Variants in CCZ1B observed in about 807,000 individuals in gnomAD.
CCZ1B encodes vacuolar fusion protein CCZ1 homolog B.
CCZ1B carries 25 observed loss-of-function variants against 58.8 expected under a neutral mutation model. The ratio of observed to expected loss-of-function variants is 0.43; its 90% CI spans 0.31 to 0.59. The LOEUF is 0.59. Among genes scored for constraint, CCZ1B ranks in the 20% least tolerant of loss-of-function variants. CCZ1B has a pLI of 0.12. For synonymous variants in CCZ1B, 66 were observed against 173.2 expected (o/e 0.38, Z 4.86); for missense variants, 180 against 501.5 (o/e 0.36, Z 6.12).
At chr7:6,815,646 C>T (rs1430855238) in intron 7 of CCZ1B, among the ~76,000 whole-genome samples, 1 of 148,940 alleles carries the variant, frequency 6.7e-6, no homozygotes, top group East Asian at 1.9e-4. Flanking sequence ...GGCTCACCAC[C>T]TGACCGCGAA....
intron 9 of CCZ1B, 114 bp from the exon 10 acceptor site, chr7:6,812,177 T>C: frequency 8.4e-7 from 1 of 1,185,376 alleles, no homozygotes; most frequent in Non-Finnish European, 1.2e-6. Flanking sequence ...TGCCAGCTGC[T>C]ATTTGGCAAA....
At chr7:6,813,657 T>A (rs752999042) in intron 8 of CCZ1B, among the ~76,000 whole-genome samples, 4 of 149,390 alleles carry the variant, frequency 2.7e-5, no homozygotes, top group Non-Finnish European at 4.4e-5. Context: ...TGAAAATACT[T>A]TGGGGAGAAC....
At chr7:6,803,739 G>A (rs1782793814) in intron 12 of CCZ1B, among the ~76,000 whole-genome samples, 1 of 149,870 alleles carries the variant, frequency 6.7e-6, no homozygotes, top group African/African-American at 2.4e-5. Context: ...CGAAGTGCGT[G>A]GATCACGAGG....
At chr7:6,818,593 CAGAAAGAAAGAA>C (rs796919882) in intron 7 of CCZ1B, among the ~76,000 whole-genome samples, 1 of 105,826 alleles carries the variant, frequency 9.4e-6, no homozygotes, top group Non-Finnish European at 1.9e-5. Flanking sequence ...GAAAGACAGA[CAGAAAGAAAGAA>C]AGAAAGAAAG....
At position 6,804,498 on chromosome 7, in the gene CCZ1B, T is replaced by C. The variant is rs564265682; in HGVS notation, c.1106+440A>G. ...GAGCCGGAGGAGTGAATCCCGCCTC[T>C]CCCACTCAGTGTAGACACTTCAGGC... On this transcript the variant is annotated intron_variant, in intron 12 of 14. Transcript: ENST00000316731. Among the ~76,000 whole-genome samples, 172 of 112,742 alleles carry C rather than the reference T, an allele frequency of 1.5e-3. 8 individuals are homozygous for C. Among genetic ancestry groups the C allele is most frequent in the Non-Finnish European group, 2.6e-3 (146 of 56,964 alleles). 74.0% of individuals were successfully genotyped at this position (112,742 alleles called of 152,430 possible).
At chr7:6,815,285 C>A (rs1327418038) in intron 7 of CCZ1B, among the ~76,000 whole-genome samples, 1 of 147,978 alleles carries the variant, frequency 6.8e-6, no homozygotes, top group Non-Finnish European at 1.5e-5. Flanking sequence ...CCCATCTCAG[C>A]CTCCAGACTA....
At chr7:6,825,681 T>G (rs1783185375) in intron 1 of CCZ1B, among the ~76,000 whole-genome samples, 1 of 129,272 alleles carries the variant, frequency 7.7e-6, no homozygotes, top group Admixed American at 8.4e-5. Context: ...CGAAATTAAT[T>G]TATTTCCTCA....
intron 6 of CCZ1B, among the ~76,000 whole-genome samples, chr7:6,821,951 A>G (rs1280351529): frequency 6.7e-6 from 1 of 149,620 alleles, no homozygotes; most frequent in Non-Finnish European, 1.5e-5. Context: ...CTTATCAACT[A>G]ATCTATCACA....
rs752621254 is a variant in CCZ1B, at chr7:6,812,077, A to G, written c.843-14T>C. The G allele has an allele frequency of 3.7e-6, 4 of 1,089,352 alleles. No individual in the cohort carries two copies. Among genetic ancestry groups the G allele is most frequent in the Non-Finnish European group, 5.6e-6 (4 of 710,142 alleles). The allele number at this position is 1,089,352 out of a possible 1,614,324, so 67.5% of individuals were successfully genotyped here. A position where few individuals can be genotyped will look rare whatever the true frequency, so the allele number is the denominator to read the frequency against. On this transcript the variant is annotated splice_polypyrimidine_tract_variant and intron_variant, in intron 9 of 14. Coordinates refer to ENST00000316731, the MANE Select transcript of CCZ1B (RefSeq NM_198097.5). ...CCGGTAAGAAATCTTAAAAGCAAGA[A>G]CAGACATGACTTGATTCAACGAGGT...
intron 5 of CCZ1B, 99 bp from the exon 6 acceptor site, chr7:6,822,463 C>T: frequency 2.8e-6 from 4 of 1,422,376 alleles, no homozygotes; most frequent in Non-Finnish European, 3.7e-6. Flanking sequence ...TAATTCAGCT[C>T]ATTAAATCTC....
chr7:6,816,204 G>T (rs1263735303), intron 7 of CCZ1B, among the ~76,000 whole-genome samples: 1 of 148,490 alleles, frequency 6.7e-6, no homozygotes, highest in Non-Finnish European at 1.5e-5. Flanking sequence ...AGGTGGTCGG[G>T]CGCGGAAGCT....
chr7:6,825,008 A>C (rs1783172627), intron 1 of CCZ1B, among the ~76,000 whole-genome samples: 1 of 150,144 alleles, frequency 6.7e-6, no homozygotes, highest in African/African-American at 2.5e-5. Flanking sequence ...GAATGATCTC[A>C]TCATTGTGCA....
chr7:6,818,862 G>T (rs1388471964), intron 7 of CCZ1B, among the ~76,000 whole-genome samples: 2 of 148,640 alleles, frequency 1.3e-5, no homozygotes. Flanking sequence ...AGCTCTCAGG[G>T]GTCATATATG....
At chr7:6,810,726 G>A (rs1324921038) in intron 10 of CCZ1B, among the ~76,000 whole-genome samples, 1 of 149,594 alleles carries the variant, frequency 6.7e-6, no homozygotes, top group Non-Finnish European at 1.5e-5. Context: ...AAAGTGCTGG[G>A]ACTGCACCTG....
chr7:6,822,800 C>T (rs1304874885), intron 5 of CCZ1B, among the ~76,000 whole-genome samples: 4 of 141,710 alleles, frequency 2.8e-5, no homozygotes, highest in Non-Finnish European at 4.6e-5. Context: ...CTCCAAGGTG[C>T]GAGCGATCCT....
At position 6,822,128 on chromosome 7, in the gene CCZ1B, C is replaced by T. The variant is rs1330896661; in HGVS notation, c.522+153G>A. ...AGAGCACACGCCTCATGCGTTTCCTCGCTGCTCCAGTTTTGCGACGGTCTG... is the reference window on the plus strand; with the variant it reads ...AGAGCACACGCCTCATGCGTTTCCTTGCTGCTCCAGTTTTGCGACGGTCTG... On this transcript the variant is annotated intron_variant, in intron 6 of 14. Coordinates refer to ENST00000316731, the MANE Select transcript of CCZ1B (RefSeq NM_198097.5). 5.3e-5 allele frequency among the ~76,000 whole-genome samples: 8 copies of T among 149,682 alleles called. 2 individuals carry two copies. Among genetic ancestry groups the T allele is most frequent in the African/African-American group, 5.0e-5 (2 of 39,688 alleles).
chr7:6,815,399 G>C lies in CCZ1B; in HGVS notation c.699-554C>G, dbSNP rs149717337. On this transcript the variant is annotated intron_variant, in intron 7 of 14. Coordinates refer to ENST00000316731, the MANE Select transcript of CCZ1B (RefSeq NM_198097.5). ...GCTGGTTTCGAACTCCTGGACTCAAGCAGTGCTCCCGCCTCAGCCTCCTAA... is the reference window on the plus strand; with the variant it reads ...GCTGGTTTCGAACTCCTGGACTCAACCAGTGCTCCCGCCTCAGCCTCCTAA... Among the ~76,000 whole-genome samples, 610 of 144,648 alleles carry C rather than the reference G, an allele frequency of 4.2e-3. 2 individuals carry two copies. Among genetic ancestry groups the C allele is most frequent in the African/African-American group, 8.4e-3 (314 of 37,354 alleles). 94.9% of individuals were successfully genotyped at this position (144,648 alleles called of 152,430 possible).
intron 5 of CCZ1B, among the ~76,000 whole-genome samples, chr7:6,822,913 C>T (rs1293859947): frequency 1.4e-5 from 2 of 145,838 alleles, no homozygotes. Context: ...GCTATATTGC[C>T]CAGACTGGTC....
At chr7:6,824,886 T>A (rs1363155830) in intron 1 of CCZ1B, 149 bp from the exon 2 acceptor site, 2 of 1,066,350 alleles carry the variant, frequency 1.9e-6, no homozygotes, top group South Asian at 3.5e-5. Context: ...GGAATTGTAA[T>A]CCTAGTATTT....
Sources: gnomAD v4.1 joint callset for allele counts (sites outside exome capture counted in the v4.1 genomes callset) on GRCh38, gnomAD v4.1.1 for gene constraint, MANE v1.5 for transcripts, NCBI Gene and HGNC (gene_info 2026-07-23, HGNC 2026-07-21) for gene names.